The following WWOX variants were observed in gnomAD, a reference collection of about 807,000 sequenced individuals.
The protein encoded by WWOX is WW domain-containing oxidoreductase.
Under a neutral mutation model 46.2 loss-of-function variants are expected in WWOX, and 69 were observed. The ratio of observed to expected loss-of-function variants is 1.49; its 90% CI spans 1.23 to 1.82. The LOEUF is 1.82. WWOX is among the 40% of genes most tolerant of loss of function. WWOX has a pLI of 0.00. For synonymous variants in WWOX, 359 were observed against 202.6 expected (o/e 1.77, Z -6.56); for missense variants, 919 against 542.6 (o/e 1.69, Z -6.89).
chr16:78,456,967 C>T (rs2083833706), intron 8 of WWOX, among the ~76,000 whole-genome samples: 1 of 152,228 alleles, frequency 6.6e-6, no homozygotes, highest in East Asian at 1.9e-4. Flanking sequence ...TGCACATCCC[C>T]TTGTGGGCTG....
chr16:78,779,636 G>C (rs550048539), intron 8 of WWOX, among the ~76,000 whole-genome samples: 24 of 152,288 alleles, frequency 1.6e-4, no homozygotes, highest in African/African-American at 5.8e-4. Context: ...GAAGCTCAGG[G>C]AATCGTAGCA....
intron 8 of WWOX, among the ~76,000 whole-genome samples, chr16:78,521,482 C>G (rs948633760): frequency 6.6e-6 from 1 of 152,152 alleles, no homozygotes. Flanking sequence ...TATTCCAACG[C>G]CAGTACCTGC....
chr16:78,741,915 A>G (rs2049237379), intron 8 of WWOX, among the ~76,000 whole-genome samples: 1 of 152,164 alleles, frequency 6.6e-6, no homozygotes, highest in Non-Finnish European at 1.5e-5. Context: ...TTTTAGATAA[A>G]CAATGGATAA....
chr16:79,013,358 C>T (rs898612591), intron 8 of WWOX, among the ~76,000 whole-genome samples: 3 of 152,170 alleles, frequency 2.0e-5, no homozygotes, highest in African/African-American at 7.2e-5. Flanking sequence ...TGTGTCTGAC[C>T]CCAGGAGAAC....
intron 8 of WWOX, among the ~76,000 whole-genome samples, chr16:78,565,458 C>T (rs1315311948): frequency 6.6e-6 from 1 of 152,168 alleles, no homozygotes; most frequent in African/African-American, 2.4e-5. Context: ...TTAATATCAT[C>T]ACATCTCCTT....
chr16:79,123,514 A>AT (rs1337587694), intron 8 of WWOX, among the ~76,000 whole-genome samples: 1 of 152,080 alleles, frequency 6.6e-6, no homozygotes, highest in Admixed American at 6.5e-5. Flanking sequence ...ATTCATCCTC[A>AT]TAACAGTTCT....
intron 8 of WWOX, among the ~76,000 whole-genome samples, chr16:78,836,230 A>G (rs879404797): frequency 1.4e-4 from 21 of 151,922 alleles, no homozygotes; most frequent in Non-Finnish European, 2.6e-4. Flanking sequence ...CTAATAGCAC[A>G]CTGAGGTAGG....
intron 8 of WWOX, among the ~76,000 whole-genome samples, chr16:79,081,210 C>G (rs982204746): frequency 2.6e-5 from 4 of 152,210 alleles, no homozygotes; most frequent in African/African-American, 9.6e-5. Flanking sequence ...GTTGCCCAGG[C>G]TCGAGTGCAG....
intron 8 of WWOX, among the ~76,000 whole-genome samples, chr16:78,456,709 AAGAAG>A (rs1438099930): frequency 2.6e-5 from 4 of 152,252 alleles, no homozygotes; most frequent in Non-Finnish European, 5.9e-5. Flanking sequence ...GACAGATTCT[AAGAAG>A]AGAAAAGGTA....
rs1015138727 is a variant in WWOX at position 78,794,070 on chromosome 16, T to C, written c.1056+361318T>C. On this transcript the variant is annotated intron_variant, in intron 8 of 8. Transcript: ENST00000566780. ...TCAGAATGTCTGTGTCACCCCAGCATTCATTTGTTAGGAGATGGGGTCTTT... is the reference window on the plus strand; with the variant it reads ...TCAGAATGTCTGTGTCACCCCAGCACTCATTTGTTAGGAGATGGGGTCTTT... Among the ~76,000 whole-genome samples, 8 of 152,132 alleles carry C rather than the reference T, an allele frequency of 5.3e-5. No homozygotes were observed. In the South Asian group the frequency reaches 6.2e-4, roughly 12 times the overall value.
At chr16:78,617,611 G>A (rs1028660135) in intron 8 of WWOX, among the ~76,000 whole-genome samples, 3 of 152,122 alleles carry the variant, frequency 2.0e-5, no homozygotes, top group Non-Finnish European at 2.9e-5. Context: ...GATCCCTGAG[G>A]TGTATCCCCC....
At chr16:78,909,949 C>A (rs773076113) in intron 8 of WWOX, among the ~76,000 whole-genome samples, 31 of 152,204 alleles carry the variant, frequency 2.0e-4, no homozygotes, top group Non-Finnish European at 4.0e-4. Context: ...TTCATCTTCT[C>A]TCCCTGGTAC....
intron 5 of WWOX, among the ~76,000 whole-genome samples, chr16:78,232,276 C>T (rs1014031804): frequency 3.5e-4 from 54 of 152,148 alleles, no homozygotes; most frequent in Admixed American, 8.5e-4. Flanking sequence ...TTCGTCTGTT[C>T]GTTCAATTAC....
At chr16:78,881,059 A>G (rs113215559) in intron 8 of WWOX, among the ~76,000 whole-genome samples, 1 of 144,522 alleles carries the variant, frequency 6.9e-6, no homozygotes, top group Non-Finnish European at 1.5e-5. Context: ...TGGCAGGATC[A>G]CGGCTCACTG....
At chr16:78,421,882 T>C (rs1451532533) in intron 6 of WWOX, among the ~76,000 whole-genome samples, 1 of 152,220 alleles carries the variant, frequency 6.6e-6, no homozygotes, top group Non-Finnish European at 1.5e-5. Context: ...GAAACAGGAT[T>C]ACTTGGTGAA....
Position 78,341,720 on chromosome 16 carries a change from C to G in WWOX, c.517-45140C>G, listed in dbSNP as rs972325132. Among the ~76,000 whole-genome samples, 2 of 120,118 alleles carry G rather than the reference C, an allele frequency of 1.7e-5. 1 individual carries two copies. The highest frequency in any genetic ancestry group is 5.0e-4 in the South Asian group (2 of 4,012). 78.8% of individuals were successfully genotyped at this position (120,118 alleles called of 152,430 possible). A position where few individuals can be genotyped will look rare whatever the true frequency, so the allele number is the denominator to read the frequency against. ...GACATAGCATCGAGTGTGGAAACCT[C>G]CATGGGTGGCAGGTCAGTGTTGCTG... On this transcript the variant is annotated intron_variant, in intron 5 of 8. Coordinates refer to ENST00000566780, the MANE Select transcript of WWOX (RefSeq NM_016373.4).
At chr16:78,818,425 A>G (rs1454334035) in intron 8 of WWOX, among the ~76,000 whole-genome samples, 1 of 152,238 alleles carries the variant, frequency 6.6e-6, no homozygotes, top group African/African-American at 2.4e-5. Flanking sequence ...AGAAAGCCCT[A>G]GGACAAGGCA....
At chr16:78,889,741 G>C (rs563266723) in intron 8 of WWOX, among the ~76,000 whole-genome samples, 1 of 152,238 alleles carries the variant, frequency 6.6e-6, no homozygotes, top group East Asian at 1.9e-4. Context: ...TTTAACTTGT[G>C]CGATATAGTT....
chr16:78,742,582 A>T (rs954568263), intron 8 of WWOX, among the ~76,000 whole-genome samples: 5 of 152,236 alleles, frequency 3.3e-5, no homozygotes, highest in African/African-American at 4.8e-5. Flanking sequence ...AGGAACGCAC[A>T]GCGATCCCCA....
Sources: gnomAD v4.1 joint callset for allele counts (sites outside exome capture counted in the v4.1 genomes callset) on GRCh38, gnomAD v4.1.1 for gene constraint, MANE v1.5 for transcripts, NCBI Gene and HGNC (gene_info 2026-07-23, HGNC 2026-07-21) for gene names.